The following ITPR1 variants were observed in gnomAD, a reference collection of about 807,000 sequenced individuals.
ITPR1 encodes the protein inositol 1,4,5-trisphosphate-gated calcium channel ITPR1.
Under a neutral mutation model 318.4 loss-of-function variants are expected in ITPR1, and 96 were observed. That is an observed-to-expected ratio of 0.30 (90% CI 0.26 to 0.36). ITPR1 has a LOEUF of 0.36. Ranked by LOEUF, ITPR1 falls within the 10% of genes least tolerant of loss-of-function variation. The probability of loss-of-function intolerance (pLI) is 1.00; values close to 1 mark genes in which losing one functional copy is unlikely to be tolerated. For synonymous variants in ITPR1, 1,312 were observed against 1,289.9 expected (o/e 1.02, Z -0.37); for missense variants, 2,440 against 3,460.2 (o/e 0.71, Z 7.40).
chr3:4,541,883 C>G (rs1371107871), intron 4 of ITPR1, among the ~76,000 whole-genome samples: 1 of 152,142 alleles, frequency 6.6e-6, no homozygotes, highest in East Asian at 1.9e-4. Context: ...CTTGGCCTCC[C>G]AAAGCGCAAG....
chr3:4,820,773 T>C (rs1031803149), intron 60 of ITPR1, among the ~76,000 whole-genome samples: 8 of 152,226 alleles, frequency 5.3e-5, no homozygotes, highest in East Asian at 3.8e-4. Context: ...TGGTGCCTTC[T>C]CGCCTGCGCT....
At chr3:4,523,422 T>C (rs2082718156) in intron 4 of ITPR1, among the ~76,000 whole-genome samples, 1 of 76,484 alleles carries the variant, frequency 1.3e-5, no homozygotes, top group South Asian at 7.6e-4. Flanking sequence ...TTACCTCACA[T>C]GCTTATTATT....
intron 41 of ITPR1, among the ~76,000 whole-genome samples, chr3:4,726,871 A>T (rs761692489): frequency 7.9e-5 from 12 of 152,188 alleles, no homozygotes; most frequent in Non-Finnish European, 1.8e-4. Flanking sequence ...GCAATAAATT[A>T]TGTTGGCCAA....
At chr3:4,686,472 G>T (rs185744174) in intron 30 of ITPR1, among the ~76,000 whole-genome samples, 1 of 152,294 alleles carries the variant, frequency 6.6e-6, no homozygotes, top group East Asian at 1.9e-4. Flanking sequence ...TGTGTGTAAG[G>T]AACGCGAGGG....
At chr3:4,754,736 C>T (rs529727515) in intron 44 of ITPR1, among the ~76,000 whole-genome samples, 22 of 152,350 alleles carry the variant, frequency 1.4e-4, no homozygotes, top group Admixed American at 1.3e-3. Flanking sequence ...TGAAGAGCCA[C>T]CAGAACACCT....
intron 60 of ITPR1, among the ~76,000 whole-genome samples, chr3:4,822,712 G>T (rs1351290314): frequency 6.6e-6 from 1 of 152,144 alleles, no homozygotes; most frequent in African/African-American, 2.4e-5. Flanking sequence ...GATGGAAGGC[G>T]ATGCTGTCGA....
intron 49 of ITPR1, among the ~76,000 whole-genome samples, chr3:4,780,417 G>A (rs1245167911): frequency 2.0e-5 from 3 of 152,152 alleles, no homozygotes; most frequent in African/African-American, 7.2e-5. Context: ...GTTTATTTTT[G>A]AGGGGTGATA....
At chr3:4,721,656 G>C (rs2042172986) in intron 40 of ITPR1, among the ~76,000 whole-genome samples, 1 of 152,156 alleles carries the variant, frequency 6.6e-6, no homozygotes, top group East Asian at 1.9e-4. Flanking sequence ...CTGATAACTA[G>C]ATCTACGGTA....
chr3:4,745,246 T>C (rs2044018728), intron 44 of ITPR1, among the ~76,000 whole-genome samples: 1 of 151,802 alleles, frequency 6.6e-6, no homozygotes, highest in Non-Finnish European at 1.5e-5. Context: ...TTAAAAGACG[T>C]TTTCTTCCCT....
At chr3:4,621,815 C>T (rs778248435) in intron 4 of ITPR1, among the ~76,000 whole-genome samples, 3 of 152,212 alleles carry the variant, frequency 2.0e-5, no homozygotes, top group Non-Finnish European at 4.4e-5. Context: ...GCCTGAGGGG[C>T]TTGGCCCGAG....
At chr3:4,686,904 G>C (rs1440151640) in intron 30 of ITPR1, among the ~76,000 whole-genome samples, 4 of 152,216 alleles carry the variant, frequency 2.6e-5, no homozygotes, top group Non-Finnish European at 5.9e-5. Context: ...TGATTTCTTA[G>C]AGCTAGAAGG....
chr3:4,688,518 G>T lies in ITPR1; in HGVS notation c.3726G>T (p.Glu1242Asp). Reference sequence around the variant, plus strand: ...AGGCCGAAGATACCAAGATGCAAGAGATAATGAGGTTGGCTCATGAATTTT... The same window carrying T: ...AGGCCGAAGATACCAAGATGCAAGATATAATGAGGTTGGCTCATGAATTTT... Reference protein sequence around the residue: ...YEKAEDTKMQEIMRLAHEFLQ... With the variant: ...YEKAEDTKMQDIMRLAHEFLQ... The change falls in exon 31 of 62, where the codon GAG becomes GAT. Residue 1242 changes from glutamate to aspartate, a missense_variant. By Grantham distance (45) the Glu-to-Asp change is conservative (BLOSUM62 2). Transcript: ENST00000649015. 1 of 1,614,038 alleles carries T rather than the reference G, an allele frequency of 6.2e-7. No homozygotes were observed. Among genetic ancestry groups the T allele is most frequent in the Non-Finnish European group, 8.5e-7 (1 of 1,179,874 alleles).
intron 4 of ITPR1, among the ~76,000 whole-genome samples, chr3:4,574,184 T>G (rs921775341): frequency 6.6e-6 from 1 of 151,976 alleles, no homozygotes; most frequent in Non-Finnish European, 1.5e-5. Context: ...AGTGGGAAAG[T>G]ATAGATGCCT....
intron 4 of ITPR1, among the ~76,000 whole-genome samples, chr3:4,566,604 G>GCACGCACACACACACACA (rs1553626571): frequency 1.4e-5 from 2 of 140,898 alleles, no homozygotes; most frequent in Non-Finnish European, 3.1e-5. Flanking sequence ...GGGGACACAT[G>GCACGCACACACACACACA]CACACACACA....
intron 44 of ITPR1, among the ~76,000 whole-genome samples, chr3:4,740,520 T>C (rs886700980): frequency 2.2e-4 from 33 of 152,066 alleles, no homozygotes; most frequent in Non-Finnish European, 4.4e-4. Context: ...TCATGGAGGG[T>C]TTGCTCCCTT....
chr3:4,593,617 G>T (rs562969403), intron 4 of ITPR1, among the ~76,000 whole-genome samples: 1 of 152,274 alleles, frequency 6.6e-6, no homozygotes, highest in African/African-American at 2.4e-5. Context: ...TGCCTTGGGA[G>T]AATACAAAAA....
intron 52 of ITPR1, among the ~76,000 whole-genome samples, chr3:4,790,619 T>G (rs535332800): frequency 6.6e-6 from 1 of 152,358 alleles, no homozygotes; most frequent in African/African-American, 2.4e-5. Context: ...AAGTAGCTTA[T>G]ATCTCTTCTA....
chr3:4,747,869 C>T (rs774471361), intron 44 of ITPR1, among the ~76,000 whole-genome samples: 5 of 152,154 alleles, frequency 3.3e-5, no homozygotes, highest in Non-Finnish European at 7.3e-5. Context: ...TTTTCGCTTG[C>T]GTCTAAAGAA....
At chr3:4,653,333 T>C (rs1013971590) in intron 11 of ITPR1, among the ~76,000 whole-genome samples, 8 of 152,158 alleles carry the variant, frequency 5.3e-5, no homozygotes, top group Admixed American at 5.2e-4. Context: ...ATGATTTTGA[T>C]ATATTTAAGA....
Sources: gnomAD v4.1 joint callset for allele counts (sites outside exome capture counted in the v4.1 genomes callset) on GRCh38, gnomAD v4.1.1 for gene constraint, MANE v1.5 for transcripts, NCBI Gene and HGNC (gene_info 2026-07-23, HGNC 2026-07-21) for gene names.